Variants in GFRA1 observed in about 807,000 individuals in gnomAD.
GFRA1 encodes GDNF family receptor alpha 1, also known as GDNF family receptor alpha-1.
GFRA1 carries 16 observed loss-of-function variants against 51.6 expected under a neutral mutation model. That is an observed-to-expected ratio of 0.31 (90% confidence interval 0.21 to 0.47). GFRA1 has a LOEUF of 0.47. Among genes scored for constraint, GFRA1 ranks in the 20% least tolerant of loss-of-function variants. GFRA1 has a pLI of 1.00. For missense variants in GFRA1, 530 were observed against 594.3 expected (o/e 0.89, Z 1.13); for synonymous variants, 270 against 241.3 (o/e 1.12, Z -1.10).
Position 116,270,906 on chromosome 10 carries a change from G to A in GFRA1, c.250C>T (p.Leu84Phe). The A allele has an allele frequency of 6.2e-7, 1 of 1,614,052 alleles. No individual in the cohort carries two copies. The highest frequency in any genetic ancestry group is 1.3e-5 in the African/African-American group (1 of 75,076). Reference sequence around the variant, plus strand: ...CCCCGCTTGCAGCGGCAGTTGTAGAGCGACTTCTGCTTCAGGGCCTCCATG... The same window carrying A: ...CCCCGCTTGCAGCGGCAGTTGTAGAACGACTTCTGCTTCAGGGCCTCCATG... The part of the protein sequence containing the change: ...SAMEALKQKS[L>F]YNCRCKRGMK... The change falls in exon 3 of 11, where the codon CTC (leucine) becomes TTC (phenylalanine). Residue 84 changes from leucine to phenylalanine, a missense_variant. Physicochemically the swap from Leu to Phe is conservative, Grantham distance 22. Transcript: ENST00000355422.
intron 4 of GFRA1, among the ~76,000 whole-genome samples, chr10:116,223,116 T>C (rs1297989570): frequency 6.6e-6 from 1 of 151,866 alleles, no homozygotes; most frequent in East Asian, 1.9e-4. Context: ...ATTCTAAAAC[T>C]CAAAAATAAA....
intron 5 of GFRA1, among the ~76,000 whole-genome samples, chr10:116,140,132 A>C (rs558953691): frequency 6.6e-6 from 1 of 152,334 alleles, no homozygotes; most frequent in East Asian, 1.9e-4. Flanking sequence ...GAAATATGGT[A>C]GAATAGTTCC....
chr10:116,184,275 T>G (rs1200648499), intron 5 of GFRA1, among the ~76,000 whole-genome samples: 1 of 152,202 alleles, frequency 6.6e-6, no homozygotes, highest in Non-Finnish European at 1.5e-5. Flanking sequence ...CCAGATGGCA[T>G]AGGGGAGGCC....
upstream of GFRA1, among the ~76,000 whole-genome samples, chr10:116,273,683 C>G (rs1175389282): frequency 1.6e-5 from 2 of 123,480 alleles, no homozygotes; most frequent in African/African-American, 6.6e-5. Flanking sequence ...CTCTCTCTCT[C>G]TCTCTCTCTC....
intron 5 of GFRA1, among the ~76,000 whole-genome samples, chr10:116,147,326 G>C (rs1455686900): frequency 6.6e-6 from 1 of 152,080 alleles, no homozygotes; most frequent in East Asian, 1.9e-4. Flanking sequence ...GTAGTAGGAG[G>C]GGCAGCCTGA....
intron 4 of GFRA1, among the ~76,000 whole-genome samples, chr10:116,260,948 C>T (rs567599875): frequency 6.6e-6 from 1 of 152,292 alleles, no homozygotes; most frequent in East Asian, 1.9e-4. Context: ...AATAATTTCT[C>T]ACTTTTCCTT....
intron 6 of GFRA1, among the ~76,000 whole-genome samples, chr10:116,106,337 G>A (rs183939895): frequency 1.2e-4 from 18 of 152,330 alleles, no homozygotes; most frequent in African/African-American, 4.3e-4. Context: ...ACAGTAGGGG[G>A]TTTTCATACA....
chr10:116,133,124 G>C (rs1321047294), intron 5 of GFRA1, among the ~76,000 whole-genome samples: 2 of 151,802 alleles, frequency 1.3e-5, no homozygotes, highest in Non-Finnish European at 2.9e-5. Context: ...TTCTCAGAAT[G>C]AACGCTGTTT....
chr10:116,181,626 T>G (rs201074756), intron 5 of GFRA1, among the ~76,000 whole-genome samples: 872 of 32,622 alleles, frequency 0.027, 3 homozygotes, highest in African/African-American at 0.045. Context: ...AAATATGAGG[T>G]TTTTTTTTGT....
At chr10:116,114,907 T>C (rs1003310588) in intron 6 of GFRA1, among the ~76,000 whole-genome samples, 9 of 152,182 alleles carry the variant, frequency 5.9e-5, no homozygotes, top group Admixed American at 2.0e-4. Flanking sequence ...CCTGTGAAGA[T>C]GGAGTCATTA....
chr10:116,142,662 TA>T (rs1271460311), intron 5 of GFRA1, among the ~76,000 whole-genome samples: 1 of 152,228 alleles, frequency 6.6e-6, no homozygotes. Flanking sequence ...GATATATACT[TA>T]AAGGTAATTG....
intron 5 of GFRA1, among the ~76,000 whole-genome samples, chr10:116,127,649 C>T (rs939047883): frequency 6.6e-6 from 1 of 152,138 alleles, no homozygotes; most frequent in African/African-American, 2.4e-5. Flanking sequence ...CCTCTATTTC[C>T]ACACTCAGGC....
At chr10:116,220,005 G>A (rs1335951833) in intron 4 of GFRA1, among the ~76,000 whole-genome samples, 2 of 151,992 alleles carry the variant, frequency 1.3e-5, no homozygotes, top group Non-Finnish European at 2.9e-5. Flanking sequence ...CAGTTCTAAA[G>A]CACGATGTTT....
intron 5 of GFRA1, among the ~76,000 whole-genome samples, chr10:116,127,958 G>A (rs1194958779): frequency 6.6e-6 from 1 of 152,190 alleles, no homozygotes; most frequent in African/African-American, 2.4e-5. Context: ...ATGTTGAATG[G>A]CACTTTATAA....
chr10:116,171,173 C>A (rs1046545900), intron 5 of GFRA1, among the ~76,000 whole-genome samples: 2 of 152,152 alleles, frequency 1.3e-5, no homozygotes, highest in Non-Finnish European at 2.9e-5. Flanking sequence ...AAAACCTGCC[C>A]TGGATTATGC....
intron 4 of GFRA1, among the ~76,000 whole-genome samples, chr10:116,244,490 T>C (rs985524480): frequency 1.4e-5 from 2 of 147,560 alleles, no homozygotes; most frequent in Non-Finnish European, 3.0e-5. Flanking sequence ...TTAATAACAA[T>C]TTAATATATA....
chr10:116,075,199 T>G (rs1955564289), intron 9 of GFRA1, among the ~76,000 whole-genome samples: 1 of 152,118 alleles, frequency 6.6e-6, no homozygotes, highest in Non-Finnish European at 1.5e-5. Context: ...CTTTCTCATT[T>G]TTTGAGAATA....
At position 116,062,012 on chromosome 10, in the gene GFRA1, T is replaced by C; in HGVS notation, c.*2386A>G. ...GGTAACTTGAATATGCTTTTATCAC[T>C]GAAGAAAAATGAGATATTTGTTGGT... On this transcript the variant is annotated 3_prime_UTR_variant, in exon 11 of 11. Coordinates refer to ENST00000355422, the MANE Select transcript of GFRA1 (RefSeq NM_005264.8). 5.0e-6 allele frequency: 2 copies of C among 398,596 alleles called. No individual in the cohort carries two copies. The highest frequency in any genetic ancestry group is 8.8e-6 in the Non-Finnish European group (2 of 226,052). The allele number at this position is 398,596 out of a possible 1,614,324, so 24.7% of individuals were successfully genotyped here.
rs1954644858 is a variant in GFRA1, at chr10:116,058,205, G to T, written c.*6193C>A. ...GTTCCCTATACTCAGGACATCCACT[G>T]GATTTTCTAATTCTTCTTCCTACTT... is the stretch of plus-strand genomic sequence containing the variant. On this transcript the variant is annotated 3_prime_UTR_variant, in exon 11 of 11. Coordinates refer to ENST00000355422, the MANE Select transcript of GFRA1 (RefSeq NM_005264.8). 6.6e-6 allele frequency: 1 copy of T among 152,168 alleles called. No individual in the cohort carries two copies. The highest frequency in any genetic ancestry group is 1.5e-5 in the Non-Finnish European group (1 of 68,056). The allele number at this position is 152,168 out of a possible 1,614,324, so 9.4% of individuals were successfully genotyped here. A position where few individuals can be genotyped will look rare whatever the true frequency, so the allele number is the denominator to read the frequency against.
Sources: allele counts gnomAD v4.1 joint callset (sites outside exome capture counted in the v4.1 genomes callset), GRCh38; gene constraint gnomAD v4.1.1; transcripts MANE v1.5; gene names NCBI Gene and HGNC (gene_info 2026-07-23, HGNC 2026-07-21).